Variants in RBFOX1 observed in about 807,000 individuals in gnomAD.
The protein encoded by RBFOX1 is RNA binding fox-1 homolog 1, also known as RNA binding protein fox-1 homolog 1.
In RBFOX1, 8 loss-of-function variants were observed where a neutral mutation model predicts 57.7. That is an observed-to-expected ratio of 0.14 (90% CI 0.08 to 0.25). RBFOX1 has a LOEUF of 0.25. Ranked by LOEUF, RBFOX1 falls within the 10% of genes least tolerant of loss-of-function variation. The pLI is 1.00. For missense variants in RBFOX1, 611 were observed against 548.5 expected, an observed-to-expected ratio of 1.11 and a Z score of -1.14; for synonymous variants, 326 against 222.4, an observed-to-expected ratio of 1.47 and a Z score of -4.15.
intron 1 of RBFOX1, among the ~76,000 whole-genome samples, chr16:6,265,766 C>T (rs2074405301): frequency 6.6e-6 from 1 of 152,114 alleles, no homozygotes; most frequent in African/African-American, 2.4e-5. Flanking sequence ...TAGCTTCAGC[C>T]TTTTTGAACC....
At chr16:7,497,045 C>G (rs945961150) in intron 4 of RBFOX1, among the ~76,000 whole-genome samples, 7 of 152,128 alleles carry the variant, frequency 4.6e-5, no homozygotes, top group Admixed American at 2.0e-4. Flanking sequence ...ATGTCCCCAC[C>G]TTTTCCTGTC....
At chr16:5,472,980 A>G (rs534458299) in intron 2 of RBFOX1, among the ~76,000 whole-genome samples, 8 of 152,276 alleles carry the variant, frequency 5.3e-5, no homozygotes, top group African/African-American at 1.9e-4. Flanking sequence ...ACAGTCTGAC[A>G]CTGACACCAG....
intron 2 of RBFOX1, among the ~76,000 whole-genome samples, chr16:6,530,352 A>G (rs1324948173): frequency 1.3e-5 from 2 of 152,166 alleles, no homozygotes; most frequent in Non-Finnish European, 2.9e-5. Flanking sequence ...TTCCAGCAGA[A>G]ACAGCTGAGC....
At chr16:5,645,346 G>T (rs9931511) in intron 3 of RBFOX1, among the ~76,000 whole-genome samples, 1 of 152,044 alleles carries the variant, frequency 6.6e-6, no homozygotes, top group African/African-American at 2.4e-5. Context: ...CCATTTATAT[G>T]AAGCATCTAG....
At chr16:7,607,262 T>C (rs1286342526) in intron 9 of RBFOX1, 23 bp from the exon 10 acceptor site, 6 of 1,597,944 alleles carry the variant, frequency 3.8e-6, no homozygotes, top group African/African-American at 1.3e-5. Flanking sequence ...GTGATAATAA[T>C]GTTTTTGTGT....
At chr16:5,646,935 G>A (rs1313693843) in intron 3 of RBFOX1, among the ~76,000 whole-genome samples, 1 of 152,192 alleles carries the variant, frequency 6.6e-6, no homozygotes, top group Non-Finnish European at 1.5e-5. Flanking sequence ...GCCCAGCCAG[G>A]AAGACCCTCT....
In RBFOX1 at chr16:6,019,622, C is replaced by T. The variant is rs986644620; in HGVS notation, c.-497C>T. The T allele has an allele frequency of 2.4e-6, 3 of 1,268,086 alleles. No homozygotes were observed. Among genetic ancestry groups the T allele is most frequent in the Non-Finnish European group, 3.0e-6 (3 of 1,006,590 alleles). The allele number at this position is 1,268,086 out of a possible 1,614,324, so 78.6% of individuals were successfully genotyped here. A position where few individuals can be genotyped will look rare whatever the true frequency, so the allele number is the denominator to read the frequency against. On this transcript the variant is annotated 5_prime_UTR_variant, in exon 1 of 16. Coordinates refer to ENST00000550418, the MANE Select transcript of RBFOX1 (RefSeq NM_018723.4). This position sits in a 1 kb window ranked among gnomAD's most constrained non-coding sequence, Gnocchi z 4.2. ...AGGAAGGAGTGAGCCGAGCCGAGCACCCCACATCTGGAGGGGACAGCCAGC... is the reference window on the plus strand; with the variant it reads ...AGGAAGGAGTGAGCCGAGCCGAGCATCCCACATCTGGAGGGGACAGCCAGC...
At chr16:5,477,429 C>T (rs1033352509) in intron 2 of RBFOX1, among the ~76,000 whole-genome samples, 2 of 152,334 alleles carry the variant, frequency 1.3e-5, no homozygotes, top group East Asian at 1.9e-4. Flanking sequence ...GAGAAATGCT[C>T]AGCCCCTCCT....
intron 1 of RBFOX1, chr16:6,038,007 A>T (rs2095389034): frequency 6.6e-6 from 1 of 152,020 alleles, no homozygotes; most frequent in South Asian, 2.1e-4. Context: ...ATGATACATT[A>T]TTGCTGTAGG....
At chr16:7,212,194 A>G (rs536498024) in intron 4 of RBFOX1, among the ~76,000 whole-genome samples, 50 of 152,308 alleles carry the variant, frequency 3.3e-4, no homozygotes, top group Middle Eastern at 3.4e-3. Context: ...TTTGAGTGAC[A>G]TAGGTCTTTT....
At chr16:6,262,435 C>T (rs1342119206) in intron 1 of RBFOX1, among the ~76,000 whole-genome samples, 2 of 151,830 alleles carry the variant, frequency 1.3e-5, no homozygotes, top group Non-Finnish European at 2.9e-5. Context: ...TGAGTCTCTT[C>T]TTAAGAAAAA....
chr16:7,286,131 C>T (rs2095646539), intron 4 of RBFOX1, among the ~76,000 whole-genome samples: 2 of 152,168 alleles, frequency 1.3e-5, no homozygotes, highest in East Asian at 1.9e-4. Flanking sequence ...TGAGTGAATG[C>T]ATGAATACCA....
At chr16:5,680,239 G>C (rs957211703) in intron 3 of RBFOX1, among the ~76,000 whole-genome samples, 5 of 152,164 alleles carry the variant, frequency 3.3e-5, no homozygotes, top group African/African-American at 1.2e-4. Flanking sequence ...GTGCAGTGTG[G>C]CTTAATGAAA....
At chr16:6,345,237 G>T (rs932590664) in intron 2 of RBFOX1, among the ~76,000 whole-genome samples, 5 of 152,180 alleles carry the variant, frequency 3.3e-5, no homozygotes, top group Non-Finnish European at 7.4e-5. Context: ...GAATTCAAGG[G>T]TGAGCCAGGT....
At chr16:5,344,637 G>C (rs1282478376) in intron 1 of RBFOX1, among the ~76,000 whole-genome samples, 1 of 152,104 alleles carries the variant, frequency 6.6e-6, no homozygotes, top group African/African-American at 2.4e-5. Flanking sequence ...CCTGACAGTA[G>C]TTTGTGGCAG....
chr16:7,454,944 C>T (rs1016878292), intron 4 of RBFOX1, among the ~76,000 whole-genome samples: 1 of 152,172 alleles, frequency 6.6e-6, no homozygotes, highest in Admixed American at 6.5e-5. Context: ...ACCCCTTTTC[C>T]CAGCCCTGGG....
intron 1 of RBFOX1, among the ~76,000 whole-genome samples, chr16:6,211,855 T>C (rs1194264769): frequency 2.0e-4 from 31 of 151,504 alleles, no homozygotes. Flanking sequence ...TTTATTTATT[T>C]ATTTATTTAT....
rs1342753783 is a variant in RBFOX1, at chr16:6,421,820, C to T, written c.-64+104763C>T. On this transcript the variant is annotated intron_variant, in intron 2 of 15. Coordinates refer to ENST00000550418, the MANE Select transcript of RBFOX1 (RefSeq NM_018723.4). ...TTATACCATAAACCCAGTCAGACTC[C>T]GTCTTATGCTAAAAGACCTCCCCCC... Among the ~76,000 whole-genome samples the T allele has an allele frequency of 5.9e-5, 9 of 152,024 alleles. No individual in the cohort carries two copies. The South Asian group carries it at 8.3e-4, about 14-fold the overall frequency.
chr16:7,156,407 A>G (rs759696347), intron 4 of RBFOX1, among the ~76,000 whole-genome samples: 24 of 152,052 alleles, frequency 1.6e-4, no homozygotes, highest in Non-Finnish European at 2.5e-4. Flanking sequence ...ATGTACATAT[A>G]TGTGTGCGTA....
Sources: allele counts gnomAD v4.1 joint callset (sites outside exome capture counted in the v4.1 genomes callset), GRCh38; gene constraint gnomAD v4.1.1; non-coding constraint Gnocchi (gnomAD v3.1); transcripts MANE v1.5; gene names NCBI Gene and HGNC (gene_info 2026-07-23, HGNC 2026-07-21).